FAM174A: variants seen among roughly 807,000 people sequenced by gnomAD.
The protein encoded by FAM174A is membrane protein FAM174A.
FAM174A carries 14 observed loss-of-function variants against 14.3 expected under a neutral mutation model. The observed-to-expected ratio is 0.98, with a 90% CI of 0.65 to 1.53. The LOEUF is 1.53. FAM174A is among the 40% of genes most tolerant of loss of function. The pLI is 0.00. For missense variants in FAM174A, 241 were observed against 249.6 expected (o/e 0.97, Z 0.23); for synonymous variants, 108 against 111.4 (o/e 0.97, Z 0.19).
chr5:100,560,749 C>T (rs965759238), intron 1 of FAM174A, among the ~76,000 whole-genome samples: 5 of 152,014 alleles, frequency 3.3e-5, no homozygotes, highest in Admixed American at 3.3e-4. Flanking sequence ...CCACATATGT[C>T]AAACAGAGTA....
chr5:100,571,806 C>T (rs1266127108), intron 2 of FAM174A, among the ~76,000 whole-genome samples: 1 of 151,430 alleles, frequency 6.6e-6, no homozygotes, highest in Non-Finnish European at 1.5e-5. Flanking sequence ...TTTCCATTGC[C>T]AAGGTTGCTA....
intron 2 of FAM174A, among the ~76,000 whole-genome samples, chr5:100,565,419 G>A (rs1009222097): frequency 2.0e-5 from 3 of 151,722 alleles, no homozygotes; most frequent in Admixed American, 1.3e-4. Context: ...AACCATATAT[G>A]TATATACATA....
In FAM174A at chr5:100,562,203, A is replaced by G; in HGVS notation, c.569+15A>G. 6.4e-7 allele frequency: 1 copy of G among 1,559,666 alleles called. No individual in the cohort carries two copies. The highest frequency in any genetic ancestry group is 8.6e-7 in the Non-Finnish European group (1 of 1,158,698). The stretch of plus-strand genomic sequence containing the variant: ...CATCCTCGAAGGTAAGTATTCCAGT[A>G]GTTTAATTCCATGAATCAGGAAGCA... On this transcript the variant is annotated intron_variant, in intron 2 of 2. Transcript: ENST00000312637.
chr5:100,556,026 G>A (rs556719254), intron 1 of FAM174A, among the ~76,000 whole-genome samples: 1 of 152,206 alleles, frequency 6.6e-6, no homozygotes, highest in African/African-American at 2.4e-5. Context: ...CGGTGCCTAT[G>A]TCCTGAATGG....
At chr5:100,556,071 T>C (rs1746372775) in intron 1 of FAM174A, among the ~76,000 whole-genome samples, 1 of 152,220 alleles carries the variant, frequency 6.6e-6, no homozygotes, top group Admixed American at 6.5e-5. Context: ...TTTTTATGGT[T>C]TTAGGTCTAA....
intron 1 of FAM174A, among the ~76,000 whole-genome samples, chr5:100,539,085 A>T (rs26033): frequency 0.54 from 81,095 of 151,314 alleles, 23,136 homozygotes; most frequent in African/African-American, 0.7. Flanking sequence ...TACTTTTTTT[A>T]AAAAAAATCT....
chr5:100,584,243 ACT>A (rs1187288878), intron 2 of FAM174A, among the ~76,000 whole-genome samples: 1 of 151,890 alleles, frequency 6.6e-6, no homozygotes, highest in African/African-American at 2.4e-5. Flanking sequence ...CTAATGAGAA[ACT>A]CTACTGCATT....
intron 2 of FAM174A, among the ~76,000 whole-genome samples, chr5:100,570,171 A>G (rs1168001554): frequency 6.6e-6 from 1 of 151,888 alleles, no homozygotes; most frequent in Non-Finnish European, 1.5e-5. Context: ...GAAGGTGGCC[A>G]CATTTCTACC....
At chr5:100,567,022 A>G (rs1746668926) in intron 2 of FAM174A, among the ~76,000 whole-genome samples, 1 of 151,840 alleles carries the variant, frequency 6.6e-6, no homozygotes, top group Admixed American at 6.6e-5. Flanking sequence ...GAGAGGAGTG[A>G]ATTATTTAAG....
At chr5:100,539,998 AAG>A (rs1445554439) in intron 1 of FAM174A, among the ~76,000 whole-genome samples, 2 of 152,082 alleles carry the variant, frequency 1.3e-5, no homozygotes, top group Non-Finnish European at 2.9e-5. Context: ...CCCTCATCCA[AAG>A]ATTTTCCTGA....
At chr5:100,539,315 A>C (rs568966293) in intron 1 of FAM174A, among the ~76,000 whole-genome samples, 1 of 152,296 alleles carries the variant, frequency 6.6e-6, no homozygotes, top group South Asian at 2.1e-4. Context: ...CATTAACCAA[A>C]TAATCACATA....
chr5:100,560,080 T>C (rs1746492605), intron 1 of FAM174A, among the ~76,000 whole-genome samples: 1 of 152,092 alleles, frequency 6.6e-6, no homozygotes, highest in African/African-American at 2.4e-5. Context: ...TTTGTGGTTT[T>C]ATCTACCTTT....
chr5:100,540,327 C>T (rs915667133), intron 1 of FAM174A, among the ~76,000 whole-genome samples: 2 of 151,970 alleles, frequency 1.3e-5, no homozygotes, highest in Non-Finnish European at 2.9e-5. Context: ...TATTATTTAC[C>T]ACCTATTGGG....
chr5:100,569,293 A>G (rs1231354006), intron 2 of FAM174A, among the ~76,000 whole-genome samples: 3 of 151,886 alleles, frequency 2.0e-5, no homozygotes, highest in Non-Finnish European at 4.4e-5. Flanking sequence ...TATAATCACA[A>G]TAGAGTAATA....
At chr5:100,548,662 A>G (rs1193962076) in intron 1 of FAM174A, among the ~76,000 whole-genome samples, 1 of 152,052 alleles carries the variant, frequency 6.6e-6, no homozygotes, top group Admixed American at 6.6e-5. Context: ...AATTTTCTCT[A>G]CTTTGTGCCT....
chr5:100,535,569 CTT>C lies in FAM174A; in HGVS notation c.40_41del (p.Leu14GlyfsTer11), dbSNP rs1745922752. ...SQCCCCLSHL[L>X]ASVLLLLLLP... ...AGTGCTGCTGCTGTCTCAGCCACCT[CTT>C]GGCTTCCGTCCTCCTCCTGCTGTTG... On this transcript the variant is annotated frameshift_variant, in exon 1 of 3. Transcript: ENST00000312637. LOFTEE classifies it high-confidence loss of function. The C allele has an allele frequency of 6.2e-7, 1 of 1,613,138 alleles. No individual in the cohort carries two copies. Among genetic ancestry groups the C allele is most frequent in the Non-Finnish European group, 8.5e-7 (1 of 1,179,978 alleles).
chr5:100,547,717 T>C (rs1018843257), intron 1 of FAM174A, among the ~76,000 whole-genome samples: 1 of 152,134 alleles, frequency 6.6e-6, no homozygotes, highest in Non-Finnish European at 1.5e-5. Flanking sequence ...ATCCAGATGA[T>C]ATACAGTAGC....
intron 1 of FAM174A, among the ~76,000 whole-genome samples, chr5:100,537,909 T>C (rs922080323): frequency 6.6e-6 from 1 of 152,186 alleles, no homozygotes. Flanking sequence ...TTTTTAATTA[T>C]TTTAAATACA....
intron 2 of FAM174A, among the ~76,000 whole-genome samples, chr5:100,576,776 G>A (rs956249743): frequency 1.3e-5 from 2 of 152,092 alleles, no homozygotes; most frequent in African/African-American, 4.8e-5. Context: ...AACTTTTCTT[G>A]AATTTGCTAT....
Sources: allele counts gnomAD v4.1 joint callset (sites outside exome capture counted in the v4.1 genomes callset), GRCh38; gene constraint gnomAD v4.1.1; transcripts MANE v1.5; gene names NCBI Gene and HGNC (gene_info 2026-07-23, HGNC 2026-07-21).